Variants in PTPRN2 observed in about 807,000 individuals in gnomAD.
PTPRN2 encodes the protein protein tyrosine phosphatase receptor type N2, also known as receptor-type tyrosine-protein phosphatase N2.
Under a neutral mutation model 118.8 loss-of-function variants are expected in PTPRN2, and 74 were observed. The ratio of observed to expected loss-of-function variants is 0.62; its 90% CI spans 0.52 to 0.76. PTPRN2 has a LOEUF of 0.76. PTPRN2 is among the 30% of genes least tolerant of loss of function. The probability of loss-of-function intolerance (pLI) is 0.00; values close to 1 mark genes in which losing one functional copy is unlikely to be tolerated. For missense variants in PTPRN2, 1,481 were observed against 1,394.4 expected, an observed-to-expected ratio of 1.06 and a Z score of -0.99; for synonymous variants, 641 against 608.0, an observed-to-expected ratio of 1.05 and a Z score of -0.80.
At chr7:158,458,400 T>G (rs1818693495) in intron 2 of PTPRN2, among the ~76,000 whole-genome samples, 1 of 152,106 alleles carries the variant, frequency 6.6e-6, no homozygotes, top group Non-Finnish European at 1.5e-5. Flanking sequence ...AGCTGCCATG[T>G]CTTAGAAATA....
chr7:158,488,657 C>A (rs139019508), intron 2 of PTPRN2, among the ~76,000 whole-genome samples: 1 of 152,244 alleles, frequency 6.6e-6, no homozygotes, highest in Non-Finnish European at 1.5e-5. Flanking sequence ...CCCAGGCCAG[C>A]GCCCTGCCCT....
At chr7:158,337,584 A>C (rs2151201882) in intron 2 of PTPRN2, among the ~76,000 whole-genome samples, 1 of 140,002 alleles carries the variant, frequency 7.1e-6, no homozygotes, top group Admixed American at 7.0e-5. Flanking sequence ...TGACACCTGC[A>C]GACGTCACTC....
At chr7:157,927,306 ATGT>A (rs1799065344) in intron 11 of PTPRN2, among the ~76,000 whole-genome samples, 1 of 34,444 alleles carries the variant, frequency 2.9e-5, no homozygotes, top group African/African-American at 1.1e-4. Flanking sequence ...CAGAGACCTC[ATGT>A]CTTCTGGGAC....
chr7:157,947,642 G>A (rs946770944), intron 11 of PTPRN2, among the ~76,000 whole-genome samples: 4 of 152,192 alleles, frequency 2.6e-5, no homozygotes, highest in African/African-American at 7.2e-5. Context: ...ACGAAATCAT[G>A]TATAGAGTTA....
chr7:157,597,172 G>A (rs1010156856), intron 16 of PTPRN2, among the ~76,000 whole-genome samples: 3 of 152,242 alleles, frequency 2.0e-5, no homozygotes, highest in Non-Finnish European at 4.4e-5. Flanking sequence ...ACACGGTGAC[G>A]CTAGCCGGGG....
chr7:157,896,215 G>T (rs1340062965), intron 12 of PTPRN2, among the ~76,000 whole-genome samples: 1 of 151,616 alleles, frequency 6.6e-6, no homozygotes, highest in African/African-American at 2.4e-5. Context: ...AGCAGGGAGT[G>T]CCTGGACATC....
intron 11 of PTPRN2, among the ~76,000 whole-genome samples, chr7:157,900,860 T>C (rs750159618): frequency 2.6e-5 from 4 of 152,250 alleles, no homozygotes; most frequent in Non-Finnish European, 5.9e-5. Flanking sequence ...CAGTTGACTT[T>C]AGTGCTCATG....
chr7:157,655,857 G>A (rs950006661), intron 14 of PTPRN2, among the ~76,000 whole-genome samples: 2 of 152,056 alleles, frequency 1.3e-5, no homozygotes, highest in African/African-American at 2.4e-5. Flanking sequence ...CCGCGTCGCC[G>A]TGAGCCTCTG....
At chr7:158,177,678 C>T (rs1824339636) in intron 5 of PTPRN2, among the ~76,000 whole-genome samples, 1 of 152,198 alleles carries the variant, frequency 6.6e-6, no homozygotes, top group Non-Finnish European at 1.5e-5. Flanking sequence ...AGAAATGAGA[C>T]TCACTGTGCT....
At chr7:157,802,391 C>T (rs1805369594) in intron 12 of PTPRN2, among the ~76,000 whole-genome samples, 1 of 152,192 alleles carries the variant, frequency 6.6e-6, no homozygotes, top group African/African-American at 2.4e-5. Flanking sequence ...AGGTTTATCC[C>T]TGTTGTTGCA....
At chr7:158,077,875 A>T (rs1358284454) in intron 11 of PTPRN2, among the ~76,000 whole-genome samples, 3 of 152,116 alleles carry the variant, frequency 2.0e-5, no homozygotes, top group Admixed American at 6.5e-5. Flanking sequence ...AATAAAAAGG[A>T]TTTTTCTCTT....
At chr7:158,176,864 G>A (rs117580023) in intron 5 of PTPRN2, among the ~76,000 whole-genome samples, 6 of 152,334 alleles carry the variant, frequency 3.9e-5, no homozygotes, top group African/African-American at 9.6e-5. Flanking sequence ...TGGAGGCCAC[G>A]GTCCTCATCG....
In PTPRN2 at chr7:157,812,542, T is replaced by C. The variant is rs541575262; in HGVS notation, c.1788+86131A>G. 3.9e-5 allele frequency among the ~76,000 whole-genome samples: 6 copies of C among 152,228 alleles called. No individual in the cohort carries two copies. The East Asian group carries it at 9.7e-4, about 24-fold the overall frequency. Reference sequence around the variant, plus strand: ...CTAATGAGCTGCAAATTGAAATTATTTGGAGTTTTTCTTAATGGTGAAAAG... The same window carrying C: ...CTAATGAGCTGCAAATTGAAATTATCTGGAGTTTTTCTTAATGGTGAAAAG... On this transcript the variant is annotated intron_variant, in intron 12 of 22. Coordinates refer to ENST00000389418, the MANE Select transcript of PTPRN2 (RefSeq NM_002847.5).
chr7:158,446,807 G>A (rs770573649), intron 2 of PTPRN2, among the ~76,000 whole-genome samples: 20 of 152,220 alleles, frequency 1.3e-4, no homozygotes, highest in Non-Finnish European at 2.8e-4. Context: ...GGCACGCTGG[G>A]CTGTCACACA....
chr7:158,352,713 T>G (rs960517246), intron 2 of PTPRN2, among the ~76,000 whole-genome samples: 1 of 152,248 alleles, frequency 6.6e-6, no homozygotes, highest in Non-Finnish European at 1.5e-5. Context: ...GAATCACACC[T>G]GAGCCTCAAA....
At chr7:158,096,110 C>T (rs958226897) in intron 10 of PTPRN2, among the ~76,000 whole-genome samples, 42 of 152,250 alleles carry the variant, frequency 2.8e-4, no homozygotes, top group Non-Finnish European at 3.8e-4. Context: ...AATGAAATAG[C>T]GCAATTGTCC....
intron 3 of PTPRN2, among the ~76,000 whole-genome samples, chr7:158,299,773 G>A (rs529430357): frequency 6.6e-6 from 1 of 152,282 alleles, no homozygotes; most frequent in East Asian, 1.9e-4. Context: ...CCTCCCTCAG[G>A]AAGTGGCAGA....
intron 11 of PTPRN2, chr7:158,028,257 G>A (rs1345003114): frequency 6.6e-6 from 1 of 152,280 alleles, no homozygotes; most frequent in Non-Finnish European, 1.5e-5. Flanking sequence ...CTCAAGTCCT[G>A]AGGACCCGGC....
chr7:157,687,231 A>C (rs1797242567), intron 12 of PTPRN2, among the ~76,000 whole-genome samples: 1 of 152,218 alleles, frequency 6.6e-6, no homozygotes, highest in South Asian at 2.1e-4. Context: ...TTAGCTGTCC[A>C]TGTGGTAAGC....
Sources: allele counts gnomAD v4.1 joint callset (sites outside exome capture counted in the v4.1 genomes callset), GRCh38; gene constraint gnomAD v4.1.1; transcripts MANE v1.5; gene names NCBI Gene and HGNC (gene_info 2026-07-23, HGNC 2026-07-21).